PI4KA: variants seen among roughly 807,000 people sequenced by gnomAD.
PI4KA encodes the protein PI4-kinase alpha.
Under a neutral mutation model 271.4 loss-of-function variants are expected in PI4KA, and 122 were observed. The ratio of observed to expected loss-of-function variants is 0.45; its 90% confidence interval spans 0.39 to 0.52. The LOEUF (loss-of-function observed/expected upper bound fraction) is 0.52, where lower values mean the gene tolerates loss of function less well. Among genes scored for constraint, PI4KA ranks in the 20% least tolerant of loss-of-function variants. The probability of loss-of-function intolerance (pLI) is 0.00; values close to 1 mark genes in which losing one functional copy is unlikely to be tolerated. For missense variants in PI4KA, 1,969 were observed against 2,769.1 expected, an observed-to-expected ratio of 0.71 and a Z score of 6.48; for synonymous variants, 1,041 against 1,078.8, an observed-to-expected ratio of 0.96 and a Z score of 0.69.
At chr22:20,790,571 G>A (rs1001783290) in intron 19 of PI4KA, among the ~76,000 whole-genome samples, 1 of 151,930 alleles carries the variant, frequency 6.6e-6, no homozygotes, top group Non-Finnish European at 1.5e-5. Flanking sequence ...TGAGGCAGGA[G>A]AATAGCTTGA....
At chr22:20,794,293 A>G (rs921015886) in intron 18 of PI4KA, among the ~76,000 whole-genome samples, 3 of 152,172 alleles carry the variant, frequency 2.0e-5, no homozygotes, top group African/African-American at 7.2e-5. Context: ...ACTGAGGTCC[A>G]ATTTCCAGGG....
At chr22:20,855,359 T>A (rs1927466277) in intron 1 of PI4KA, among the ~76,000 whole-genome samples, 1 of 152,100 alleles carries the variant, frequency 6.6e-6, no homozygotes, top group African/African-American at 2.4e-5. Context: ...GGACTACATA[T>A]TAACAATGAT....
intron 27 of PI4KA, among the ~76,000 whole-genome samples, 170 bp downstream of exon 27, chr22:20,751,123 G>A (rs1930635946): frequency 6.6e-6 from 1 of 152,076 alleles, no homozygotes; most frequent in African/African-American, 2.4e-5. Context: ...CCTTGCACTC[G>A]GTGGAGCCTG....
chr22:20,857,113 G>C (rs1272638006), intron 1 of PI4KA, among the ~76,000 whole-genome samples: 1 of 152,164 alleles, frequency 6.6e-6, no homozygotes, highest in Non-Finnish European at 1.5e-5. Context: ...GTACCCACGT[G>C]CCTTTTTGTT....
In PI4KA at chr22:20,819,748, T is replaced by C; in HGVS notation, c.682A>G (p.Arg228Gly). The C allele has an allele frequency of 6.2e-7, 1 of 1,614,046 alleles. No homozygotes were observed. The highest frequency in any genetic ancestry group is 8.5e-7 in the Non-Finnish European group (1 of 1,180,014). ...GAGCGGAAGTCATTAAAGGAACGCCTTCGAACACCTTCAAGCTCTTCCAGG... is the reference window on the plus strand; with the variant it reads ...GAGCGGAAGTCATTAAAGGAACGCCCTCGAACACCTTCAAGCTCTTCCAGG... ...RVLEELEGVR[R>G]RSFNDFRSIL... Residue 228 changes from arginine to glycine, a missense_variant, in exon 6 of 55, where the codon AGG (arginine) becomes GGG (glycine). Arg to Gly is a moderately radical substitution (Grantham distance 125, BLOSUM62 -2). This residue lies in a region of PI4KA where 540 missense variants were observed against 555.5 expected (regional missense o/e 0.97). Coordinates refer to ENST00000255882, the MANE Select transcript of PI4KA (RefSeq NM_058004.4).
At chr22:20,823,814 G>A (rs1040508715) in intron 4 of PI4KA, among the ~76,000 whole-genome samples, 8 of 152,234 alleles carry the variant, frequency 5.3e-5, no homozygotes, top group African/African-American at 1.7e-4. Context: ...GATGGTGCAC[G>A]CCTATAGTCT....
intron 20 of PI4KA, 24 bp downstream of exon 20, chr22:20,765,561 C>G (rs908849927): frequency 6.8e-7 from 1 of 1,477,262 alleles, no homozygotes; most frequent in Non-Finnish European, 9.5e-7. Context: ...TCCGTCTTCA[C>G]TGGGAGAGAG....
intron 30 of PI4KA, among the ~76,000 whole-genome samples, chr22:20,743,522 C>T (rs1254995468): frequency 1.3e-5 from 2 of 152,016 alleles, no homozygotes; most frequent in African/African-American, 4.8e-5. Flanking sequence ...GTGGTGCGAT[C>T]ATAGTTCACT....
intron 36 of PI4KA, 79 bp from the exon 37 acceptor site, chr22:20,730,090 A>T (rs1927838939): frequency 6.5e-7 from 1 of 1,528,304 alleles, no homozygotes; most frequent in Admixed American, 1.8e-5. Context: ...ACTATTCACC[A>T]GAGATAAAGC....
At position 20,751,285 on chromosome 22, in the gene PI4KA, G is replaced by A. The variant is rs780382308; in HGVS notation, c.3153+8C>T. 3.7e-5 allele frequency: 59 copies of A among 1,611,004 alleles called. No individual in the cohort carries two copies. Among genetic ancestry groups the A allele is most frequent in the Admixed American group, 5.0e-5 (3 of 59,922 alleles). On this transcript the variant is annotated splice_region_variant and intron_variant, in intron 27 of 54. Coordinates refer to ENST00000255882, the MANE Select transcript of PI4KA (RefSeq NM_058004.4). ...GGCCCTTAGTGCAGGGGATCGTGTC[G>A]GGCCTACCTCACGGGCTTCGTACGT... is the stretch of plus-strand genomic sequence containing the variant.
chr22:20,803,107 T>C, intron 13 of PI4KA, 84 bp downstream of exon 13: 6 of 1,410,174 alleles, frequency 4.3e-6, no homozygotes, highest in Non-Finnish European at 6.0e-6. Context: ...TGCACCCAGG[T>C]ACAGTCATGA....
At chr22:20,742,134 TG>T in intron 32 of PI4KA, 93 bp downstream of exon 32, 1 of 1,321,344 alleles carries the variant, frequency 7.6e-7, no homozygotes, top group Non-Finnish European at 1.1e-6. Context: ...GCTTGCCCAG[TG>T]TCTCCATGCT....
chr22:20,854,303 T>C (rs1927334989), intron 1 of PI4KA, among the ~76,000 whole-genome samples: 1 of 152,076 alleles, frequency 6.6e-6, no homozygotes, highest in African/African-American at 2.4e-5. Flanking sequence ...GTATTTTTAG[T>C]AGAGACGGGG....
At chr22:20,798,816 C>G (rs1935127109) in intron 16 of PI4KA, 129 bp from the exon 17 acceptor site, 5 of 696,348 alleles carry the variant, frequency 7.2e-6, no homozygotes, top group Non-Finnish European at 1.3e-5. Flanking sequence ...CAAAGATCAT[C>G]CATTTCTAAA....
chr22:20,751,809 G>T, intron 25 of PI4KA, 54 bp from the exon 26 acceptor site: 1 of 1,492,124 alleles, frequency 6.7e-7, no homozygotes, highest in Non-Finnish European at 9.3e-7. Flanking sequence ...AGGAAGGTCT[G>T]CTTCTAGGAG....
At chr22:20,847,018 C>T (rs937361167) in intron 1 of PI4KA, among the ~76,000 whole-genome samples, 3 of 151,198 alleles carry the variant, frequency 2.0e-5, no homozygotes, top group Non-Finnish European at 2.9e-5. Context: ...TGTGGTGCAA[C>T]GCGCCTGTAA....
In PI4KA at chr22:20,707,761, CAATACTTCATGTACCTATGA is replaced by C. The variant is rs1924684580; in HGVS notation, c.*266_*285del. The stretch of plus-strand genomic sequence containing the variant: ...TAAATCTTATCTCTTTTTTTATACA[CAATACTTCATGTACCTATGA>C]AATAAGACAGGTAGGGAATATGTCC... On this transcript the variant is annotated 3_prime_UTR_variant, in exon 55 of 55. Coordinates refer to ENST00000255882, the MANE Select transcript of PI4KA (RefSeq NM_058004.4). The C allele has an allele frequency of 2.0e-6, 1 of 502,536 alleles. No individual in the cohort carries two copies. The highest frequency in any genetic ancestry group is 3.4e-5 in the Admixed American group (1 of 29,642). 31.1% of individuals were successfully genotyped at this position (502,536 alleles called of 1,614,324 possible).
intron 22 of PI4KA, among the ~76,000 whole-genome samples, chr22:20,764,107 T>C (rs1932274154): frequency 6.6e-6 from 1 of 152,244 alleles, no homozygotes; most frequent in Non-Finnish European, 1.5e-5. Flanking sequence ...GAGTGTAATT[T>C]GACCTTTTCT....
At chr22:20,826,084 T>G (rs1923380347) in intron 3 of PI4KA, among the ~76,000 whole-genome samples, 1 of 152,194 alleles carries the variant, frequency 6.6e-6, no homozygotes, top group East Asian at 1.9e-4. Flanking sequence ...GCCTCACACT[T>G]GTAATCCCAG....
Sources: allele counts gnomAD v4.1 joint callset (sites outside exome capture counted in the v4.1 genomes callset), GRCh38; gene constraint gnomAD v4.1.1; regional missense constraint gnomAD v4.1.1; transcripts MANE v1.5; gene names NCBI Gene and HGNC (gene_info 2026-07-23, HGNC 2026-07-21).